NLGN1: variants seen among roughly 807,000 people sequenced by gnomAD.
The protein encoded by NLGN1 is neuroligin-1.
In NLGN1, 12 loss-of-function variants were observed where a neutral mutation model predicts 65.5. That is an observed-to-expected ratio of 0.18 (90% CI 0.12 to 0.30). NLGN1 has a LOEUF of 0.30. Among genes scored for constraint, NLGN1 ranks in the 10% least tolerant of loss-of-function variants. NLGN1 has a pLI of 1.00. For synonymous variants in NLGN1, 350 were observed against 359.5 expected, an observed-to-expected ratio of 0.97 and a Z score of 0.30; for missense variants, 750 against 1,007.1, an observed-to-expected ratio of 0.74 and a Z score of 3.46.
intron 4 of NLGN1, among the ~76,000 whole-genome samples, chr3:174,237,221 T>C (rs1331581154): frequency 6.6e-6 from 1 of 152,218 alleles, no homozygotes; most frequent in East Asian, 1.9e-4. Context: ...TTAAAGTCAT[T>C]GTCAAAACAA....
intron 1 of NLGN1, among the ~76,000 whole-genome samples, chr3:173,421,384 A>G (rs1307442205): frequency 2.2e-4 from 34 of 151,930 alleles, no homozygotes; most frequent in Admixed American, 1.3e-3. Context: ...CCTAATTACA[A>G]TTGCCATCAA....
At position 173,907,244 on chromosome 3, in the gene NLGN1, G is replaced by A. The variant is rs530585398; in HGVS notation, c.646+99412G>A. On this transcript the variant is annotated intron_variant, in intron 4 of 6. Transcript: ENST00000457714. Reference sequence around the variant, plus strand: ...CATTTCTTTTGGAAAGAATATTTAAGTGTAAGGATATTTTCCTCAGCAACT... The same window carrying A: ...CATTTCTTTTGGAAAGAATATTTAAATGTAAGGATATTTTCCTCAGCAACT... Among the ~76,000 whole-genome samples the A allele has an allele frequency of 3.9e-5, 6 of 152,302 alleles. No homozygotes were observed. In the East Asian group the frequency reaches 7.7e-4, roughly 20 times the overall value.
chr3:173,480,349 C>T (rs1727061056), intron 2 of NLGN1, among the ~76,000 whole-genome samples: 1 of 151,986 alleles, frequency 6.6e-6, no homozygotes, highest in Non-Finnish European at 1.5e-5. Context: ...TTGAAATTGT[C>T]CAACTCTCAC....
chr3:174,251,778 A>T (rs1744808501), intron 4 of NLGN1, among the ~76,000 whole-genome samples: 1 of 152,210 alleles, frequency 6.6e-6, no homozygotes, highest in Non-Finnish European at 1.5e-5. Flanking sequence ...TAAAAGTTGG[A>T]GACTAGTTCC....
intron 4 of NLGN1, among the ~76,000 whole-genome samples, chr3:174,274,295 T>TAAAC (rs1026413278): frequency 6.8e-6 from 1 of 147,144 alleles, no homozygotes; most frequent in Admixed American, 6.8e-5. Flanking sequence ...CAAGTTATAA[T>TAAAC]AAACACACTA....
intron 4 of NLGN1, among the ~76,000 whole-genome samples, chr3:174,083,131 TATAAC>T (rs553416143): frequency 1.1e-4 from 17 of 152,296 alleles, no homozygotes; most frequent in African/African-American, 2.2e-4. Flanking sequence ...ATATCAGACA[TATAAC>T]ATATATGTTA....
At chr3:173,593,334 G>A (rs1748867709) in intron 2 of NLGN1, among the ~76,000 whole-genome samples, 1 of 152,100 alleles carries the variant, frequency 6.6e-6, no homozygotes, top group Non-Finnish European at 1.5e-5. Context: ...TACTAAGACT[G>A]TTACCCAATA....
intron 4 of NLGN1, among the ~76,000 whole-genome samples, chr3:173,858,991 C>G (rs528622393): frequency 1.1e-4 from 16 of 151,956 alleles, no homozygotes; most frequent in Non-Finnish European, 2.1e-4. Flanking sequence ...TAGAGAAAAT[C>G]ATAATGTAAA....
intron 2 of NLGN1, among the ~76,000 whole-genome samples, chr3:173,599,450 T>G (rs2149429183): frequency 6.6e-6 from 1 of 152,254 alleles, no homozygotes; most frequent in Non-Finnish European, 1.5e-5. Flanking sequence ...ATGAAACATT[T>G]TGCTACAGGG....
At chr3:174,058,498 A>G (rs1457869854) in intron 4 of NLGN1, among the ~76,000 whole-genome samples, 1 of 152,002 alleles carries the variant, frequency 6.6e-6, no homozygotes, top group Non-Finnish European at 1.5e-5. Context: ...CTTCTTTCTT[A>G]CCCTTTCCTA....
At chr3:173,828,280 T>C (rs1304070134) in intron 4 of NLGN1, among the ~76,000 whole-genome samples, 1 of 152,132 alleles carries the variant, frequency 6.6e-6, no homozygotes, top group Non-Finnish European at 1.5e-5. Flanking sequence ...CTTTCTATAT[T>C]GTGAATCCAT....
chr3:173,705,358 T>C (rs1260610260), intron 3 of NLGN1, among the ~76,000 whole-genome samples: 2 of 152,172 alleles, frequency 1.3e-5, no homozygotes, highest in Non-Finnish European at 2.9e-5. Flanking sequence ...CTGAGATGTT[T>C]ATTTTCTGAG....
At chr3:173,461,265 G>A (rs759184731) in intron 2 of NLGN1, among the ~76,000 whole-genome samples, 3 of 152,112 alleles carry the variant, frequency 2.0e-5, no homozygotes, top group Non-Finnish European at 2.9e-5. Flanking sequence ...AGCACTAGGG[G>A]AATTTTATAT....
intron 2 of NLGN1, among the ~76,000 whole-genome samples, chr3:173,576,747 A>T (rs1745558532): frequency 6.6e-6 from 1 of 152,318 alleles, no homozygotes; most frequent in Non-Finnish European, 1.5e-5. Context: ...CTTTTGCCAT[A>T]TAAAGTGGCA....
chr3:174,140,571 C>T (rs1722095078), intron 4 of NLGN1, among the ~76,000 whole-genome samples: 1 of 152,090 alleles, frequency 6.6e-6, no homozygotes, highest in South Asian at 2.1e-4. Flanking sequence ...TGTCATACAA[C>T]CCATACATGA....
At chr3:173,884,380 T>C (rs1733934227) in intron 4 of NLGN1, among the ~76,000 whole-genome samples, 1 of 152,188 alleles carries the variant, frequency 6.6e-6, no homozygotes, top group African/African-American at 2.4e-5. Context: ...TTATGTGCTA[T>C]TTGTAATGAG....
intron 4 of NLGN1, among the ~76,000 whole-genome samples, chr3:173,972,358 C>G (rs1010410651): frequency 6.6e-6 from 1 of 151,976 alleles, no homozygotes; most frequent in African/African-American, 2.4e-5. Flanking sequence ...TGCAAATGAC[C>G]AGAAAAGTCA....
At chr3:173,810,781 A>C (rs1341794753) in intron 4 of NLGN1, among the ~76,000 whole-genome samples, 1 of 152,252 alleles carries the variant, frequency 6.6e-6, no homozygotes, top group Non-Finnish European at 1.5e-5. Context: ...AGAAGAAAAA[A>C]ATACCTCTAC....
At chr3:173,703,824 C>A (rs113963476) in intron 3 of NLGN1, among the ~76,000 whole-genome samples, 2,342 of 152,266 alleles carry the variant, frequency 0.015, 66 homozygotes, top group African/African-American at 0.054. Flanking sequence ...GCTTCTTTAT[C>A]TCTCTGAGTC....
Sources: gnomAD v4.1 joint callset for allele counts (sites outside exome capture counted in the v4.1 genomes callset) on GRCh38, gnomAD v4.1.1 for gene constraint, MANE v1.5 for transcripts, NCBI Gene and HGNC (gene_info 2026-07-23, HGNC 2026-07-21) for gene names.